ACER1: variants seen among roughly 807,000 people sequenced by gnomAD.
ACER1 encodes CTB-180A7.3.
ACER1 carries 28 observed loss-of-function variants against 24.9 expected under a neutral mutation model. The observed-to-expected ratio is 1.13, with a 90% CI of 0.83 to 1.54. The LOEUF (loss-of-function observed/expected upper bound fraction) is 1.54. Among genes scored for constraint, ACER1 ranks in the 40% most tolerant of loss-of-function variants. The probability of loss-of-function intolerance (pLI) is 0.00; values close to 1 mark genes in which losing one functional copy is unlikely to be tolerated. For missense variants in ACER1, 352 were observed against 349.3 expected, an observed-to-expected ratio of 1.01 and a Z score of -0.06; for synonymous variants, 132 against 131.4, an observed-to-expected ratio of 1.00 and a Z score of -0.03.
At chr19:6,316,470 G>A (rs1045835024) in intron 1 of ACER1, among the ~76,000 whole-genome samples, 22 of 151,994 alleles carry the variant, frequency 1.4e-4, no homozygotes, top group Admixed American at 1.2e-3. Flanking sequence ...ATGCCTTTGC[G>A]GCAACATGGA....
chr19:6,324,871 GGA>G (rs750899981), intron 1 of ACER1, among the ~76,000 whole-genome samples: 15,374 of 137,812 alleles, frequency 0.11, 1,295 homozygotes, highest in East Asian at 0.34. Context: ...AAGGAAGGAA[GGA>G]AGGAAGGAAG....
At chr19:6,339,003 G>A in the ACER1 span, among the ~76,000 whole-genome samples, 700 of 151,620 alleles carry the variant, frequency 4.6e-3, 5 homozygotes, top group African/African-American at 0.016. Context: ...TCAGCCTCCC[G>A]ATAGCTGGGA....
the ACER1 span, among the ~76,000 whole-genome samples, chr19:6,358,633 A>G: frequency 6.6e-6 from 1 of 150,766 alleles, no homozygotes. Context: ...TCTCAAAAAA[A>G]AAAAAAAAAG....
At chr19:6,311,283 C>T (rs189516965) in intron 3 of ACER1, among the ~76,000 whole-genome samples, 8 of 152,090 alleles carry the variant, frequency 5.3e-5, no homozygotes, top group South Asian at 2.1e-4. Flanking sequence ...ATTTCACTTG[C>T]CTGTAATCCC....
chr19:6,334,164 C>T (rs1206249992), upstream of ACER1, among the ~76,000 whole-genome samples: 2 of 151,986 alleles, frequency 1.3e-5, no homozygotes, highest in Admixed American at 1.3e-4. Context: ...CCCGCCTCAG[C>T]CTCCCGAGTA....
intron 4 of ACER1, among the ~76,000 whole-genome samples, chr19:6,307,688 G>A (rs539026118): frequency 6.6e-6 from 1 of 152,268 alleles, no homozygotes; most frequent in African/African-American, 2.4e-5. Flanking sequence ...TTACTCGGGA[G>A]GCTGAGGCAA....
intron 1 of ACER1, among the ~76,000 whole-genome samples, chr19:6,320,496 A>G (rs2091624729): frequency 6.6e-6 from 1 of 152,012 alleles, no homozygotes; most frequent in East Asian, 1.9e-4. Context: ...TATTTTTAGT[A>G]GAGACGGGGT....
At chr19:6,350,761 T>A in the ACER1 span, among the ~76,000 whole-genome samples, 2 of 152,102 alleles carry the variant, frequency 1.3e-5, no homozygotes, top group African/African-American at 4.8e-5. Context: ...TTCTTTGCAT[T>A]TGTTTGCTTT....
At chr19:6,315,246 G>C (rs8113765) in intron 1 of ACER1, among the ~76,000 whole-genome samples, 22,165 of 150,884 alleles carry the variant, frequency 0.15, 1,827 homozygotes, top group East Asian at 0.28. Flanking sequence ...CTCTGTTGCC[G>C]AGGCTGGAAT....
At chr19:6,309,902 A>C in intron 3 of ACER1, 68 bp from the exon 4 acceptor site, 1 of 1,591,690 alleles carries the variant, frequency 6.3e-7, no homozygotes, top group South Asian at 1.1e-5. Context: ...GGTCACTTGG[A>C]GATCCCGTGG....
In ACER1 at chr19:6,321,911, C is replaced by T. The variant is rs545262070; in HGVS notation, c.94-9412G>A. ...ACAGGTATGAGCCACTGCACCCGGC[C>T]GGCAGGGAGTTTTGGTGCTTGGATC... On this transcript the variant is annotated intron_variant, in intron 1 of 5. Transcript: ENST00000301452. Among the ~76,000 whole-genome samples, 53 of 152,228 alleles carry T rather than the reference C, an allele frequency of 3.5e-4. 1 individual carries two copies. The South Asian group carries it at 8.9e-3, about 26-fold the overall frequency.
chr19:6,322,784 C>A (rs113477161), intron 1 of ACER1, among the ~76,000 whole-genome samples: 4 of 152,078 alleles, frequency 2.6e-5, no homozygotes, highest in African/African-American at 7.2e-5. Context: ...CTCCTAATAG[C>A]GAATGAGTCT....
chr19:6,351,201 C>T, the ACER1 span, among the ~76,000 whole-genome samples: 1 of 151,488 alleles, frequency 6.6e-6, no homozygotes, highest in Admixed American at 6.6e-5. Flanking sequence ...CCCGTCTCTA[C>T]TAAAAATACA....
chr19:6,311,956 G>C (rs369273262), intron 3 of ACER1, among the ~76,000 whole-genome samples, 193 bp downstream of exon 3: 122 of 152,196 alleles, frequency 8.0e-4, no homozygotes, highest in African/African-American at 2.6e-3. Context: ...AACCAGGTAA[G>C]CTCAGGGGAG....
intron 1 of ACER1, among the ~76,000 whole-genome samples, chr19:6,329,184 C>T (rs192461415): frequency 2.0e-5 from 3 of 151,570 alleles, no homozygotes; most frequent in East Asian, 1.9e-4. Flanking sequence ...AAAATAAACA[C>T]GAAAAGAAAA....
At chr19:6,345,857 G>A in the ACER1 span, among the ~76,000 whole-genome samples, 2 of 151,644 alleles carry the variant, frequency 1.3e-5, no homozygotes, top group Non-Finnish European at 2.9e-5. Context: ...GAGCCACCAT[G>A]CCTGGCATCA....
intron 1 of ACER1, among the ~76,000 whole-genome samples, chr19:6,332,443 A>G (rs2091692505): frequency 6.6e-6 from 1 of 150,864 alleles, no homozygotes; most frequent in Admixed American, 6.6e-5. Flanking sequence ...GCTAATTTTT[A>G]AAAACTTTTT....
upstream of ACER1, among the ~76,000 whole-genome samples, chr19:6,335,224 C>CTTTTTTTT (rs146932699): frequency 5.2e-4 from 53 of 102,198 alleles, 1 homozygote; most frequent in Non-Finnish European, 7.1e-4. Flanking sequence ...ATTTAACGTT[C>CTTTTTTTT]TTTTTTTTTT....
the ACER1 span, among the ~76,000 whole-genome samples, chr19:6,341,544 AAAAG>A: frequency 6.6e-6 from 1 of 151,332 alleles, no homozygotes; most frequent in Non-Finnish European, 1.5e-5. Context: ...AAAAGAAAAA[AAAAG>A]AAAAAGAAAA....
Sources: gnomAD v4.1 joint callset for allele counts (sites outside exome capture counted in the v4.1 genomes callset) on GRCh38, gnomAD v4.1.1 for gene constraint, MANE v1.5 for transcripts, NCBI Gene and HGNC (gene_info 2026-07-23, HGNC 2026-07-21) for gene names.